ECM2: variants seen among roughly 807,000 people sequenced by gnomAD.
ECM2 encodes the protein extracellular matrix protein 2, female organ and adipocyte specific.
A neutral mutation model predicts 67.5 loss-of-function variants in ECM2; 57 were observed. The ratio of observed to expected loss-of-function variants is 0.84; its 90% CI spans 0.68 to 1.05. The LOEUF (loss-of-function observed/expected upper bound fraction) is 1.05. Ranked by LOEUF, ECM2 falls within the 50% of genes least tolerant of loss-of-function variation. ECM2 has a pLI of 0.00. For synonymous variants in ECM2, 258 were observed against 294.5 expected (o/e 0.88, Z 1.27); for missense variants, 741 against 822.8 (o/e 0.90, Z 1.22).
chr9:92,545,537 C>G, the ECM2 span, among the ~76,000 whole-genome samples: 1 of 80,798 alleles, frequency 1.2e-5, no homozygotes, highest in African/African-American at 1.2e-4. Flanking sequence ...TCCCGCCCCG[C>G]CGGGCCCCTT....
chr9:92,555,425 C>T, the ECM2 span, among the ~76,000 whole-genome samples: 1 of 151,600 alleles, frequency 6.6e-6, no homozygotes, highest in African/African-American at 2.4e-5. Flanking sequence ...AACGGGATTT[C>T]ACCATGTTAG....
intron 1 of ECM2, among the ~76,000 whole-genome samples, chr9:92,524,251 G>A (rs1306891109): frequency 1.3e-5 from 2 of 152,194 alleles, no homozygotes; most frequent in African/African-American, 2.4e-5. Flanking sequence ...TCAGTTATAA[G>A]GAGGTAAGAG....
intron 6 of ECM2, among the ~76,000 whole-genome samples, chr9:92,507,921 T>C (rs181469116): frequency 6.6e-6 from 1 of 152,278 alleles, no homozygotes; most frequent in Admixed American, 6.5e-5. Context: ...TGCTTGCCTT[T>C]CACCTTCACC....
In ECM2 at chr9:92,502,626, A is replaced by G; in HGVS notation, c.1491T>C (p.Ile497=). Residue 497 remains isoleucine, a synonymous_variant, in exon 8 of 10, where the codon ATT becomes ATC. Coordinates refer to ENST00000344604, the MANE Select transcript of ECM2 (RefSeq NM_001393.4). ...IEELYLENNQ[I]EEITEICFNH... is the part of the protein sequence containing the mutation. The stretch of plus-strand genomic sequence containing the variant: ...TGAAACAAATTTCAGTTATTTCTTC[A>G]ATTTGGTTATTTTCTAGGTATAATT... 6.3e-7 allele frequency: 1 copy of G among 1,597,398 alleles called. No individual in the cohort carries two copies. Among genetic ancestry groups the G allele is most frequent in the Admixed American group, 1.7e-5 (1 of 58,848 alleles).
intron 6 of ECM2, among the ~76,000 whole-genome samples, chr9:92,508,551 G>C (rs769628674): frequency 4.6e-5 from 7 of 152,210 alleles, no homozygotes; most frequent in Non-Finnish European, 1.0e-4. Context: ...TATACAGCCT[G>C]TTAGTACAGT....
At chr9:92,497,220 A>G (rs1269475381) in intron 9 of ECM2, among the ~76,000 whole-genome samples, 1 of 152,242 alleles carries the variant, frequency 6.6e-6, no homozygotes, top group Non-Finnish European at 1.5e-5. Context: ...ATGTCTATCA[A>G]TACGGAACTG....
chr9:92,527,856 A>G (rs1848510973), intron 1 of ECM2: 1 of 154,180 alleles, frequency 6.5e-6, no homozygotes. Context: ...TTCTGCATAC[A>G]GTATATCACC....
chr9:92,494,762 C>T (rs550277043), downstream of ECM2, among the ~76,000 whole-genome samples: 125 of 151,992 alleles, frequency 8.2e-4, no homozygotes, highest in Non-Finnish European at 1.1e-3. Flanking sequence ...CAAACATTAG[C>T]GGGGAGTGGT....
At chr9:92,556,257 G>T in the ECM2 span, among the ~76,000 whole-genome samples, 2 of 152,074 alleles carry the variant, frequency 1.3e-5, no homozygotes, top group South Asian at 2.1e-4. Context: ...GAGAGTGTTG[G>T]ATATAATTTC....
At chr9:92,507,508 A>T (rs1309769750) in intron 6 of ECM2, among the ~76,000 whole-genome samples, 1 of 152,200 alleles carries the variant, frequency 6.6e-6, no homozygotes. Flanking sequence ...AGGAAATAGG[A>T]TGGAGCTAGA....
chr9:92,515,131 C>G lies in ECM2; in HGVS notation c.554G>C (p.Arg185Thr). 16 of 1,612,890 alleles carry G rather than the reference C, an allele frequency of 9.9e-6. No homozygotes were observed. The highest frequency in any genetic ancestry group is 1.3e-5 in the Non-Finnish European group (15 of 1,179,764). ...CTTATGAAGTAAATTGGTAGGTTCT[C>G]TTTGTTCTGAAGAATCACCAGAAAA... ...NEFSGDSSEQ[R>T]EPTNLLHKQL... Residue 185 changes from arginine to threonine, a missense_variant, in exon 4 of 10, where the codon AGA (arginine) becomes ACA (threonine). By Grantham distance (71) the Arg-to-Thr change is moderately conservative (BLOSUM62 -1). Transcript: ENST00000344604.
intron 8 of ECM2, among the ~76,000 whole-genome samples, chr9:92,501,376 G>T (rs1386281515): frequency 6.6e-6 from 1 of 152,148 alleles, no homozygotes; most frequent in Non-Finnish European, 1.5e-5. Context: ...TTGATGCGTT[G>T]AATCCAAAAT....
In ECM2 at chr9:92,518,624, C is replaced by A. The variant is rs10820982; in HGVS notation, c.293-749G>T. Among the ~76,000 whole-genome samples the A allele has an allele frequency of 2.6e-4, 39 of 152,084 alleles. No individual in the cohort carries two copies. The South Asian group carries it at 3.3e-3, about 13-fold the overall frequency. ...TGAAGTGTATAATACTGTCTGGGCA[C>A]GGTGGCTCATGCCTGTAATCCCAGC... On this transcript the variant is annotated intron_variant, in intron 2 of 9. Coordinates refer to ENST00000344604, the MANE Select transcript of ECM2 (RefSeq NM_001393.4).
rs199972367 is a variant in ECM2 at position 92,512,030 on chromosome 9, A to G, written c.1151T>C (p.Ile384Thr). The change falls in exon 5 of 10, where the codon ATA (isoleucine) becomes ACA (threonine). Residue 384 changes from isoleucine (I) to threonine (T), a missense_variant. Ile to Thr is a moderately conservative substitution (Grantham distance 89). Transcript: ENST00000344604. ...ATTTACCTTGAATGCTTTTGGACCT[A>G]TGCCTGAAGAAGTGATATTATTTTT... is the stretch of plus-strand genomic sequence containing the variant. The part of the protein sequence containing the change: ...LSKNNITSSG[I>T]GPKAFKLLKK... The G allele has an allele frequency of 1.1e-5, 17 of 1,612,726 alleles. No individual in the cohort carries two copies. The highest frequency in any genetic ancestry group is 1.4e-5 in the Non-Finnish European group (16 of 1,179,248).
At chr9:92,536,559 TAGAA>T (rs1849175308), upstream of ECM2, 1 of 152,644 alleles carries the variant, frequency 6.6e-6, no homozygotes, top group African/African-American at 2.4e-5. Context: ...CATGAAATAA[TAGAA>T]AGAAAATGTG....
chr9:92,495,487 C>T lies in ECM2; in HGVS notation c.*828G>A. 10 of 983,872 alleles carry T rather than the reference C, an allele frequency of 1.0e-5. No individual in the cohort carries two copies. Among genetic ancestry groups the T allele is most frequent in the Non-Finnish European group, 1.2e-5 (10 of 828,568 alleles). The allele number at this position is 983,872 out of a possible 1,614,324, so 60.9% of individuals were successfully genotyped here. ...TCAAAAATTTATACATTAGATTTACCTTTACAAGGTTATAGTCAAGAATAA... is the reference window on the plus strand; with the variant it reads ...TCAAAAATTTATACATTAGATTTACTTTTACAAGGTTATAGTCAAGAATAA... On this transcript the variant is annotated 3_prime_UTR_variant, in exon 10 of 10. Coordinates refer to ENST00000344604, the MANE Select transcript of ECM2 (RefSeq NM_001393.4).
rs1160008256 is a variant in ECM2, at chr9:92,495,432, T to C, written c.*883A>G. ...TTTCAGTAAATTAAGGCAAAGGAGA[T>C]AGATGCTATGACCAGTGGTGCAAAA... is the stretch of plus-strand genomic sequence containing the variant. On this transcript the variant is annotated 3_prime_UTR_variant, in exon 10 of 10. Coordinates refer to ENST00000344604, the MANE Select transcript of ECM2 (RefSeq NM_001393.4). 3.0e-6 allele frequency: 3 copies of C among 985,194 alleles called. No homozygotes were observed. The highest frequency in any genetic ancestry group is 3.6e-6 in the Non-Finnish European group (3 of 829,836). 61.0% of individuals were successfully genotyped at this position (985,194 alleles called of 1,614,324 possible).
intron 8 of ECM2, among the ~76,000 whole-genome samples, chr9:92,501,460 G>A (rs970698727): frequency 6.6e-6 from 1 of 152,142 alleles, no homozygotes. Context: ...AAGGAAGTTT[G>A]GTTTGTTTTG....
chr9:92,549,658 A>C, the ECM2 span, among the ~76,000 whole-genome samples: 1 of 143,526 alleles, frequency 7.0e-6, no homozygotes, highest in Non-Finnish European at 1.5e-5. Context: ...AAAAAAAAAA[A>C]CAAAACAAAA....
Sources: allele counts gnomAD v4.1 joint callset (sites outside exome capture counted in the v4.1 genomes callset), GRCh38; gene constraint gnomAD v4.1.1; transcripts MANE v1.5; gene names NCBI Gene and HGNC (gene_info 2026-07-23, HGNC 2026-07-21).